Variants in YWHAE observed in about 807,000 individuals in gnomAD.
YWHAE encodes tyrosine 3-monooxygenase/tryptophan 5-monooxygenase activation protein epsilon, also known as 14-3-3 protein epsilon.
A neutral mutation model predicts 30.1 loss-of-function variants in YWHAE; 4 were observed. That is an observed-to-expected ratio of 0.13 (90% CI 0.07 to 0.30). The LOEUF (loss-of-function observed/expected upper bound fraction) is 0.30, where lower values mean the gene tolerates loss of function less well. YWHAE is among the 10% of genes least tolerant of loss of function. The pLI, the probability that YWHAE is intolerant of heterozygous loss-of-function variation, is 1.00. For missense variants in YWHAE, 121 were observed against 315.9 expected, an observed-to-expected ratio of 0.38 and a Z score of 4.68; for synonymous variants, 118 against 111.8, an observed-to-expected ratio of 1.06 and a Z score of -0.35.
At chr17:1,380,631 G>A (rs930653117) in intron 1 of YWHAE, among the ~76,000 whole-genome samples, 3 of 152,064 alleles carry the variant, frequency 2.0e-5, no homozygotes, top group East Asian at 1.9e-4. Context: ...AAACAAAACC[G>A]GAATCCAGAC....
intron 1 of YWHAE, among the ~76,000 whole-genome samples, chr17:1,366,622 T>C (rs1162678521): frequency 2.0e-5 from 3 of 152,088 alleles, no homozygotes; most frequent in Admixed American, 1.3e-4. Context: ...AACTAATAGG[T>C]ATGAAAGAGA....
At chr17:1,355,539 GAAAAT>G (rs77547800) in intron 4 of YWHAE, among the ~76,000 whole-genome samples, 7,301 of 152,024 alleles carry the variant, frequency 0.048, 243 homozygotes, top group Middle Eastern at 0.071. Context: ...GGGAAGCAAA[GAAAAT>G]AAAAGGCAAC....
chr17:1,356,516 GGCATGCGAGTGACTTTAAACTGGA>G (rs1309210929), intron 4 of YWHAE, among the ~76,000 whole-genome samples: 1 of 152,238 alleles, frequency 6.6e-6, no homozygotes, highest in Admixed American at 6.5e-5. Context: ...CATGAGCAAA[GGCATGCGAGTGACTTTAAACTGGA>G]GCTACACGTG....
chr17:1,363,592 A>AG (rs1395576563), intron 2 of YWHAE, among the ~76,000 whole-genome samples: 2 of 152,174 alleles, frequency 1.3e-5, no homozygotes, highest in African/African-American at 4.8e-5. Flanking sequence ...ATGTGACCTC[A>AG]GGTATGTCAA....
At chr17:1,348,790 G>A (rs1212145922) in intron 5 of YWHAE, among the ~76,000 whole-genome samples, 4 of 152,190 alleles carry the variant, frequency 2.6e-5, no homozygotes, top group Non-Finnish European at 5.9e-5. Flanking sequence ...TTGGGAGGCC[G>A]AGGCAGGCGG....
intron 2 of YWHAE, among the ~76,000 whole-genome samples, chr17:1,363,309 T>TG (rs1232856277): frequency 2.6e-5 from 4 of 152,198 alleles, no homozygotes; most frequent in Non-Finnish European, 5.9e-5. Context: ...TTGCCAAGGC[T>TG]GGATGGAGTG....
chr17:1,349,157 A>C (rs1045650750), intron 5 of YWHAE, among the ~76,000 whole-genome samples: 20 of 152,124 alleles, frequency 1.3e-4, no homozygotes, highest in African/African-American at 4.8e-4. Context: ...CCGGGCTAAC[A>C]CGGGGAAACC....
rs116831507 is a variant in YWHAE, at chr17:1,394,477, G to C, written c.64+5570C>G. 6.5e-3 allele frequency among the ~76,000 whole-genome samples: 916 copies of C among 141,592 alleles called. 12 individuals are homozygous for C. Among genetic ancestry groups the C allele is most frequent in the African/African-American group, 0.018 (593 of 33,082 alleles). 92.9% of individuals were successfully genotyped at this position (141,592 alleles called of 152,430 possible). ...AAAAAAAAAACACAAAAATTAGGCCGGTGCAACAGTCCCAGCTACTAGGGA... is the reference window on the plus strand; with the variant it reads ...AAAAAAAAAACACAAAAATTAGGCCCGTGCAACAGTCCCAGCTACTAGGGA... On this transcript the variant is annotated intron_variant, in intron 1 of 5. Transcript: ENST00000264335.
chr17:1,382,043 G>C (rs984148571), intron 1 of YWHAE, among the ~76,000 whole-genome samples: 2 of 147,440 alleles, frequency 1.4e-5, no homozygotes, highest in African/African-American at 5.4e-5. Context: ...GGCATAAGTA[G>C]TAGTTTTTTT....
In YWHAE at chr17:1,400,213, G is replaced by A. The variant is rs991198439; in HGVS notation, c.-103C>T. The stretch of plus-strand genomic sequence containing the variant: ...GCGTCCGGGCAGCAAAAATGGCGGC[G>A]CCTCAATCCGGGACTTCCGCCTGCG... On this transcript the variant is annotated 5_prime_UTR_variant, in exon 1 of 6. Coordinates refer to ENST00000264335, the MANE Select transcript of YWHAE (RefSeq NM_006761.5). The A allele has an allele frequency of 6.5e-6, 9 of 1,388,352 alleles. No individual in the cohort carries two copies. The African/African-American group carries it at 8.5e-5, about 13-fold the overall frequency. The allele number at this position is 1,388,352 out of a possible 1,614,324, so 86.0% of individuals were successfully genotyped here.
chr17:1,400,003 A>T (rs541482479), intron 1 of YWHAE, 44 bp downstream of exon 1: 4 of 1,610,434 alleles, frequency 2.5e-6, no homozygotes, highest in Admixed American at 1.7e-5. Context: ...GGGCGGCGGC[A>T]GAGGGTCCGA....
At chr17:1,369,006 G>A (rs1384971818) in intron 1 of YWHAE, among the ~76,000 whole-genome samples, 1 of 152,082 alleles carries the variant, frequency 6.6e-6, no homozygotes, top group Non-Finnish European at 1.5e-5. Context: ...CGAAGACTTA[G>A]TATTTTTATA....
intron 1 of YWHAE, among the ~76,000 whole-genome samples, chr17:1,386,687 C>A (rs576273924): frequency 6.6e-6 from 1 of 152,358 alleles, no homozygotes; most frequent in East Asian, 1.9e-4. Flanking sequence ...CGGTGGCTCA[C>A]GCCTATAATC....
chr17:1,399,150 G>C (rs1215346709), intron 1 of YWHAE: 1 of 152,032 alleles, frequency 6.6e-6, no homozygotes, highest in East Asian at 1.9e-4. Flanking sequence ...ACGGAGGCTC[G>C]GGCTCTACAA....
intron 5 of YWHAE, among the ~76,000 whole-genome samples, chr17:1,346,219 C>T (rs1010896701): frequency 6.6e-5 from 10 of 152,130 alleles, no homozygotes; most frequent in African/African-American, 2.4e-4. Flanking sequence ...AACAGAAAGC[C>T]ACCTATTGGT....
At chr17:1,368,582 G>T (rs2072982687) in intron 1 of YWHAE, among the ~76,000 whole-genome samples, 1 of 141,166 alleles carries the variant, frequency 7.1e-6, no homozygotes. Flanking sequence ...AAAAAAAAAA[G>T]TATTACAATA....
At chr17:1,398,341 C>CG (rs75078124) in intron 1 of YWHAE, among the ~76,000 whole-genome samples, 5 of 148,500 alleles carry the variant, frequency 3.4e-5, no homozygotes, top group South Asian at 2.1e-4. Flanking sequence ...TTATCCCCCC[C>CG]CCCAACAGGA....
At chr17:1,375,057 G>A (rs1028286594) in intron 1 of YWHAE, among the ~76,000 whole-genome samples, 4 of 152,070 alleles carry the variant, frequency 2.6e-5, no homozygotes, top group African/African-American at 9.7e-5. Context: ...CCAAGTAACT[G>A]GGACTATAGG....
chr17:1,384,473 C>T (rs1459975606), intron 1 of YWHAE, among the ~76,000 whole-genome samples: 2 of 150,358 alleles, frequency 1.3e-5, no homozygotes, highest in Non-Finnish European at 1.5e-5. Flanking sequence ...GGGCAGATCA[C>T]AACGTCAGGA....
Sources: gnomAD v4.1 joint callset for allele counts (sites outside exome capture counted in the v4.1 genomes callset) on GRCh38, gnomAD v4.1.1 for gene constraint, MANE v1.5 for transcripts, NCBI Gene and HGNC (gene_info 2026-07-23, HGNC 2026-07-21) for gene names.